GDNF: variants seen among roughly 807,000 people sequenced by gnomAD.
GDNF encodes glial cell line-derived neurotrophic factor.
A neutral mutation model predicts 13.7 loss-of-function variants in GDNF; 5 were observed. That is an observed-to-expected ratio of 0.36 (90% confidence interval 0.19 to 0.77). GDNF has a LOEUF of 0.77. Ranked by LOEUF, GDNF falls within the 30% of genes least tolerant of loss-of-function variation. The pLI, the probability that GDNF is intolerant of heterozygous loss-of-function variation, is 0.51. For synonymous variants in GDNF, 122 were observed against 112.5 expected, an observed-to-expected ratio of 1.08 and a Z score of -0.53; for missense variants, 246 against 274.3, an observed-to-expected ratio of 0.90 and a Z score of 0.73.
intron 2 of GDNF, among the ~76,000 whole-genome samples, chr5:37,818,729 C>T (rs1259126489): frequency 6.6e-6 from 1 of 152,140 alleles, no homozygotes; most frequent in Non-Finnish European, 1.5e-5. Context: ...TGCCTGGACC[C>T]TTGGCCTATA....
At chr5:37,818,592 A>G (rs780352751) in intron 2 of GDNF, among the ~76,000 whole-genome samples, 13 of 152,102 alleles carry the variant, frequency 8.5e-5, no homozygotes, top group Non-Finnish European at 1.8e-4. Context: ...AGCATCCCCC[A>G]TCCTAGTCAT....
chr5:37,829,770 T>G (rs1183224519), intron 2 of GDNF, among the ~76,000 whole-genome samples: 1 of 152,202 alleles, frequency 6.6e-6, no homozygotes, highest in South Asian at 2.1e-4. Flanking sequence ...CCTAAGGTCC[T>G]GACTGGCCAA....
At chr5:37,833,357 A>G (rs144965648) in intron 2 of GDNF, among the ~76,000 whole-genome samples, 2 of 152,368 alleles carry the variant, frequency 1.3e-5, no homozygotes, top group African/African-American at 4.8e-5. Flanking sequence ...AAGTAGGTTT[A>G]TACAGTTAAT....
chr5:37,827,220 A>C (rs1324388558), intron 2 of GDNF, among the ~76,000 whole-genome samples: 1 of 152,134 alleles, frequency 6.6e-6, no homozygotes, highest in African/African-American at 2.4e-5. Flanking sequence ...AAAAAAAAAA[A>C]ACAAAACATA....
At chr5:37,817,882 C>T (rs994465402) in intron 2 of GDNF, among the ~76,000 whole-genome samples, 4 of 152,148 alleles carry the variant, frequency 2.6e-5, no homozygotes, top group South Asian at 2.1e-4. Context: ...ATACTTTAAA[C>T]GCAGAACATA....
At chr5:37,819,345 A>G (rs1175793937) in intron 2 of GDNF, among the ~76,000 whole-genome samples, 2 of 152,032 alleles carry the variant, frequency 1.3e-5, no homozygotes, top group Non-Finnish European at 1.5e-5. Context: ...GCAGCTTTGC[A>G]GCAGCATTAA....
chr5:37,828,986 T>C (rs1170907853), intron 2 of GDNF, among the ~76,000 whole-genome samples: 1 of 152,280 alleles, frequency 6.6e-6, no homozygotes, highest in Non-Finnish European at 1.5e-5. Flanking sequence ...TAACTTCTCC[T>C]GCAAGACAGC....
chr5:37,829,464 C>T (rs1167765004), intron 2 of GDNF, among the ~76,000 whole-genome samples: 1 of 152,174 alleles, frequency 6.6e-6, no homozygotes, highest in Non-Finnish European at 1.5e-5. Context: ...CAGCCATCCG[C>T]CCATCCACCT....
chr5:37,835,776 C>T, intron 1 of GDNF: 2 of 837,010 alleles, frequency 2.4e-6, no homozygotes, highest in South Asian at 2.9e-5. Context: ...GTCACTGGCT[C>T]CCCGCGCCCC....
intron 2 of GDNF, among the ~76,000 whole-genome samples, chr5:37,827,790 A>C (rs1290505875): frequency 6.6e-6 from 1 of 152,264 alleles, no homozygotes; most frequent in Non-Finnish European, 1.5e-5. Flanking sequence ...AATAAACTAC[A>C]TAGGCAGGTG....
At chr5:37,834,940 C>T (rs1019822854) in intron 1 of GDNF, 118 bp from the exon 2 acceptor site, 148 of 919,250 alleles carry the variant, frequency 1.6e-4, no homozygotes, top group Non-Finnish European at 3.0e-5. Context: ...GGCACCGCTG[C>T]AGGCCAGCGG....
chr5:37,823,190 C>T (rs1272926564), intron 2 of GDNF: 3 of 152,156 alleles, frequency 2.0e-5, no homozygotes, highest in African/African-American at 7.2e-5. Flanking sequence ...TGGTGAAGTC[C>T]ATAGGACTAA....
chr5:37,815,217 C>T lies in GDNF; in HGVS notation c.*434G>A, dbSNP rs970004881. The stretch of plus-strand genomic sequence containing the variant: ...TAATAACAAGGAACAACACCAGGAT[C>T]TCTGTTTCCCTGGTGTCTTCGGACA... On this transcript the variant is annotated 3_prime_UTR_variant, in exon 3 of 3. Transcript: ENST00000326524. The surrounding 1 kb of genome is among the most constrained non-coding windows in gnomAD (Gnocchi z 5.0). 1.9e-5 allele frequency: 4 copies of T among 208,960 alleles called. No homozygotes were observed. The highest frequency in any genetic ancestry group is 3.9e-5 in the Non-Finnish European group (4 of 103,198). The allele number at this position is 208,960 out of a possible 1,614,324, so 12.9% of individuals were successfully genotyped here. A position where few individuals can be genotyped will look rare whatever the true frequency, so the allele number is the denominator to read the frequency against.
At chr5:37,835,766 G>T (rs1750682344) in intron 1 of GDNF, 9 of 940,938 alleles carry the variant, frequency 9.6e-6, no homozygotes, top group Admixed American at 2.0e-5. Context: ...TCCCAGAGGA[G>T]TCACTGGCTC....
intron 2 of GDNF, among the ~76,000 whole-genome samples, chr5:37,833,098 C>T (rs1467954290): frequency 1.3e-5 from 2 of 152,182 alleles, no homozygotes; most frequent in African/African-American, 4.8e-5. Context: ...TCTAGTTGAA[C>T]AGGGCACTAA....
chr5:37,835,801 G>T, intron 1 of GDNF: 1 of 733,622 alleles, frequency 1.4e-6, no homozygotes, highest in South Asian at 1.5e-5. Context: ...ACGCCTGGAC[G>T]ACTGTACCCA....
chr5:37,828,308 T>C (rs934352855), intron 2 of GDNF, among the ~76,000 whole-genome samples: 8 of 152,202 alleles, frequency 5.3e-5, no homozygotes, highest in Admixed American at 1.3e-4. Flanking sequence ...GCAAAAAGCA[T>C]CAATATTATA....
At chr5:37,822,486 G>C (rs888646355) in intron 2 of GDNF, among the ~76,000 whole-genome samples, 2 of 152,192 alleles carry the variant, frequency 1.3e-5, no homozygotes, top group African/African-American at 2.4e-5. Context: ...GTTTTGGGAT[G>C]GGGCAGGATG....
At chr5:37,833,937 T>C (rs992017444) in intron 2 of GDNF, among the ~76,000 whole-genome samples, 2 of 152,240 alleles carry the variant, frequency 1.3e-5, no homozygotes, top group Non-Finnish European at 2.9e-5. Flanking sequence ...GAGAGGTAAA[T>C]CACAGACTTA....
Sources: allele counts gnomAD v4.1 joint callset (sites outside exome capture counted in the v4.1 genomes callset), GRCh38; gene constraint gnomAD v4.1.1; non-coding constraint Gnocchi (gnomAD v3.1); transcripts MANE v1.5; gene names NCBI Gene and HGNC (gene_info 2026-07-23, HGNC 2026-07-21).